Variants in NUP155 observed in about 807,000 individuals in gnomAD.
The protein encoded by NUP155 is nuclear pore complex protein Nup155.
A neutral mutation model predicts 180.4 loss-of-function variants in NUP155; 71 were observed. That is an observed-to-expected ratio of 0.39 (90% CI 0.33 to 0.48). The LOEUF (loss-of-function observed/expected upper bound fraction) is 0.48, where lower values mean the gene tolerates loss of function less well. NUP155 is among the 20% of genes least tolerant of loss of function. The pLI is 0.91. For missense variants in NUP155, 1,553 were observed against 1,648.9 expected (o/e 0.94, Z 1.01); for synonymous variants, 582 against 559.5 (o/e 1.04, Z -0.57).
chr5:37,313,427 TAA>T (rs546001888), intron 22 of NUP155, among the ~76,000 whole-genome samples: 18 of 136,342 alleles, frequency 1.3e-4, no homozygotes, highest in South Asian at 2.3e-4. Context: ...CTCCATCTCT[TAA>T]AAAAAAAAAA....
At chr5:37,296,529 AC>A (rs1371487736) in intron 32 of NUP155, among the ~76,000 whole-genome samples, 1 of 151,186 alleles carries the variant, frequency 6.6e-6, no homozygotes, top group Non-Finnish European at 1.5e-5. Context: ...AATCTCAAGT[AC>A]CCAGGGACAC....
chr5:37,365,738 A>AT lies in NUP155; in HGVS notation c.158-1355_158-1354insA, dbSNP rs1294810603. Among the ~76,000 whole-genome samples, 225 of 37,122 alleles carry AT rather than the reference A, an allele frequency of 6.1e-3. 24 individuals carry two copies. The highest frequency in any genetic ancestry group is 0.018 in the Admixed American group (34 of 1,904). 24.4% of individuals were successfully genotyped at this position (37,122 alleles called of 152,430 possible). A position where few individuals can be genotyped will look rare whatever the true frequency, so the allele number is the denominator to read the frequency against. ...GAAAAAAAAAAAAAAAAAAAAAAAA[A>AT]ATATATATATATATACACACACACA... is the stretch of plus-strand genomic sequence containing the variant. On this transcript the variant is annotated intron_variant, in intron 1 of 34. Coordinates refer to ENST00000231498, the MANE Select transcript of NUP155 (RefSeq NM_153485.3).
intron 20 of NUP155, among the ~76,000 whole-genome samples, chr5:37,319,819 C>G (rs945231686): frequency 6.6e-6 from 1 of 151,968 alleles, no homozygotes; most frequent in African/African-American, 2.4e-5. Flanking sequence ...TGCGGTGAGC[C>G]GTGATCATGC....
chr5:37,364,640 A>T (rs909568204), intron 1 of NUP155, among the ~76,000 whole-genome samples: 22 of 53,030 alleles, frequency 4.1e-4, no homozygotes, highest in Admixed American at 7.7e-4. Context: ...ATTTTATTTT[A>T]TTTTTTTTTT....
intron 3 of NUP155, among the ~76,000 whole-genome samples, chr5:37,358,879 T>C (rs1747019456): frequency 6.6e-6 from 1 of 152,028 alleles, no homozygotes; most frequent in African/African-American, 2.4e-5. Context: ...TAGCCCGGCA[T>C]GGTGGCGCAC....
At chr5:37,319,260 G>A (rs1744094830) in intron 20 of NUP155, among the ~76,000 whole-genome samples, 1 of 152,180 alleles carries the variant, frequency 6.6e-6, no homozygotes. Flanking sequence ...GCTAAAACTG[G>A]ACTGTGGTGA....
rs760539068 is a variant in NUP155 at position 37,294,464 on chromosome 5, A to C, written c.3795T>G (p.Asp1265Glu). 4 of 1,613,552 alleles carry C rather than the reference A, an allele frequency of 2.5e-6. No homozygotes were observed. Among genetic ancestry groups the C allele is most frequent in the Non-Finnish European group, 3.4e-6 (4 of 1,179,638 alleles). Residue 1265 changes from aspartate to glutamate, a missense_variant and splice_region_variant, in exon 33 of 35, where the codon GAT (aspartate) becomes GAG (glutamate). Physicochemically the swap from Asp to Glu is conservative, Grantham distance 45. Coordinates refer to ENST00000231498, the MANE Select transcript of NUP155 (RefSeq NM_153485.3). ...YAGTPRFFPL[D>E]FIVQFLEQQV... The stretch of plus-strand genomic sequence containing the variant: ...GCTGTTCTAAAAACTGTACAATAAA[A>C]TCTGGGAAGAAAAAAAAAGATCGGA...
intron 1 of NUP155, among the ~76,000 whole-genome samples, chr5:37,369,353 CAAT>C (rs1338906607): frequency 9.2e-5 from 14 of 152,100 alleles, no homozygotes; most frequent in African/African-American, 3.4e-4. Flanking sequence ...ATTGCAGAAA[CAAT>C]AAAAGTAAGA....
rs1742120517 is a variant in NUP155, at chr5:37,288,770, T to TGGGGGGGGGG, written c.*3129_*3130insCCCCCCCCCC. Reference sequence around the variant, plus strand: ...ATTAAAAAAAAAAAAAAAAAAAAAGTAGGGGGGGTGGGGCTAGGCGCAGTG... The same window carrying TGGGGGGGGGG: ...ATTAAAAAAAAAAAAAAAAAAAAAGTGGGGGGGGGGAGGGGGGGTGGGGCTAGGCGCAGTG... On this transcript the variant is annotated 3_prime_UTR_variant, in exon 35 of 35. Coordinates refer to ENST00000231498, the MANE Select transcript of NUP155 (RefSeq NM_153485.3). The TGGGGGGGGGG allele has an allele frequency of 4.4e-5, 1 of 22,632 alleles. No individual in the cohort carries two copies. Among genetic ancestry groups the TGGGGGGGGGG allele is most frequent in the Non-Finnish European group, 9.2e-5 (1 of 10,864 alleles). The allele number at this position is 22,632 out of a possible 1,614,324, so 1.4% of individuals were successfully genotyped here.
At chr5:37,363,793 A>C (rs558412170) in intron 3 of NUP155, 95 bp downstream of exon 3, 2 of 837,412 alleles carry the variant, frequency 2.4e-6, no homozygotes, top group South Asian at 2.7e-5. Flanking sequence ...GATGAATGAA[A>C]GATAAACCAA....
chr5:37,366,969 C>T (rs1050856444), intron 1 of NUP155, among the ~76,000 whole-genome samples: 3 of 151,850 alleles, frequency 2.0e-5, no homozygotes, highest in African/African-American at 7.3e-5. Flanking sequence ...CTCTTGACCT[C>T]GTAATCCGCC....
rs939867213 is a variant in NUP155 at position 37,352,645 on chromosome 5, T to C, written c.556+92A>G. The C allele has an allele frequency of 9.2e-5, 74 of 802,768 alleles. 1 individual carries two copies. In the South Asian group the frequency reaches 1.0e-3, roughly 11 times the overall value. 49.7% of individuals were successfully genotyped at this position (802,768 alleles called of 1,614,324 possible). On this transcript the variant is annotated intron_variant, in intron 5 of 34. Transcript: ENST00000231498. ...TAATCATTAATGTGAGTCAATGGAA[T>C]TCAACATTTCACCCAGATTAGCTTT...
chr5:37,294,779 G>T (rs909960671), intron 32 of NUP155, among the ~76,000 whole-genome samples: 5 of 152,038 alleles, frequency 3.3e-5, no homozygotes, highest in Non-Finnish European at 7.4e-5. Context: ...TTAAATAAAA[G>T]TAAGATATAT....
In NUP155 at chr5:37,329,211, A is replaced by C. The variant is rs1471132090; in HGVS notation, c.1792T>G (p.Leu598Val). Residue 598 changes from leucine to valine, a missense_variant, in exon 16 of 35, where the codon TTG becomes GTG. Leu to Val is a conservative substitution (Grantham distance 32, BLOSUM62 1). Coordinates refer to ENST00000231498, the MANE Select transcript of NUP155 (RefSeq NM_153485.3). ...TCACTAGAATAGACAGGAGACCCCA[A>C]GATGGGACCAACATTACTTGGAGGC... is the stretch of plus-strand genomic sequence containing the variant. ...LPPPSNVGPI[L>V]GSPVYSSSPV... 6.2e-7 allele frequency: 1 copy of C among 1,613,564 alleles called. No homozygotes were observed. The highest frequency in any genetic ancestry group is 1.3e-5 in the African/African-American group (1 of 74,924).
At position 37,292,010 on chromosome 5, in the gene NUP155, C is replaced by A. The variant is rs1175101230; in HGVS notation, c.4066G>T (p.Ala1356Ser). ...RRRFTNLCLD[A>S]VCGYLVELQS... is the part of the protein sequence containing the mutation. ...AGCTCAACAAGGTAACCACAAACAG[C>A]ATCCAGGCAGAGATTTGTAAATCTT... Residue 1356 changes from alanine to serine, a missense_variant, in exon 35 of 35, where the codon GCT becomes TCT. Transcript: ENST00000231498. 6.2e-7 allele frequency: 1 copy of A among 1,614,106 alleles called. No individual in the cohort carries two copies. The highest frequency in any genetic ancestry group is 8.5e-7 in the Non-Finnish European group (1 of 1,179,968).
intron 20 of NUP155, among the ~76,000 whole-genome samples, chr5:37,321,710 C>T (rs894088273): frequency 2.0e-5 from 3 of 152,104 alleles, no homozygotes; most frequent in Non-Finnish European, 4.4e-5. Context: ...GAGCAAGACT[C>T]TGCCTCGGCA....
chr5:37,361,737 C>T (rs1747238135), intron 3 of NUP155, among the ~76,000 whole-genome samples: 1 of 152,090 alleles, frequency 6.6e-6, no homozygotes, highest in South Asian at 2.1e-4. Context: ...ATTTGTGGAC[C>T]TTGTGCCTTG....
chr5:37,364,636 TTTTA>T (rs1747432976), intron 1 of NUP155, among the ~76,000 whole-genome samples: 1 of 9,002 alleles, frequency 1.1e-4, no homozygotes, highest in African/African-American at 1.3e-4. Flanking sequence ...GTTTATTTTA[TTTTA>T]TTTTTTTTTT....
chr5:37,370,564 T>G, intron 1 of NUP155: 1 of 1,038,018 alleles, frequency 9.6e-7, no homozygotes. Context: ...AGAAGCTCAT[T>G]AAGGTTGAGG....
Sources: gnomAD v4.1 joint callset for allele counts (sites outside exome capture counted in the v4.1 genomes callset) on GRCh38, gnomAD v4.1.1 for gene constraint, MANE v1.5 for transcripts, NCBI Gene and HGNC (gene_info 2026-07-23, HGNC 2026-07-21) for gene names.